Variants in FAT3 observed in about 807,000 individuals in gnomAD.
FAT3 encodes the protein protocadherin Fat 3.
A neutral mutation model predicts 310.2 loss-of-function variants in FAT3; 95 were observed. The ratio of observed to expected loss-of-function variants is 0.31; its 90% confidence interval spans 0.26 to 0.36. The LOEUF (loss-of-function observed/expected upper bound fraction) is 0.36. Ranked by LOEUF, FAT3 falls within the 10% of genes least tolerant of loss-of-function variation. FAT3 has a pLI of 1.00. For synonymous variants in FAT3, 2,314 were observed against 2,192.9 expected, an observed-to-expected ratio of 1.06 and a Z score of -1.54; for missense variants, 5,408 against 5,715.6, an observed-to-expected ratio of 0.95 and a Z score of 1.74.
intron 1 of FAT3, among the ~76,000 whole-genome samples, chr11:92,317,646 T>G (rs529328376): frequency 6.6e-5 from 10 of 152,292 alleles, no homozygotes; most frequent in African/African-American, 2.2e-4. Flanking sequence ...TAAATAGTGA[T>G]GCCTGGTGCT....
At chr11:92,733,754 T>G (rs549485235) in intron 4 of FAT3, among the ~76,000 whole-genome samples, 44 of 152,174 alleles carry the variant, frequency 2.9e-4, no homozygotes, top group Non-Finnish European at 5.4e-4. Flanking sequence ...AACTTCCTAT[T>G]GAGACCTTAG....
intron 9 of FAT3, 86 bp downstream of exon 9, chr11:92,793,063 C>A (rs926090283): frequency 3.6e-6 from 5 of 1,371,330 alleles, no homozygotes; most frequent in African/African-American, 2.9e-5. Context: ...AAATTCAGAT[C>A]ATTAACAGTG....
intron 2 of FAT3, among the ~76,000 whole-genome samples, chr11:92,496,023 G>A (rs1484332504): frequency 6.6e-6 from 1 of 152,040 alleles, no homozygotes; most frequent in Non-Finnish European, 1.5e-5. Context: ...TCCAAAAGAT[G>A]AGCACAACCA....
At chr11:92,832,220 CT>C (rs1341505055) in intron 14 of FAT3, among the ~76,000 whole-genome samples, 1 of 152,096 alleles carries the variant, frequency 6.6e-6, no homozygotes, top group South Asian at 2.1e-4. Context: ...CCTGTGGTCC[CT>C]ACTGCTTGGG....
At chr11:92,378,575 T>G (rs892109498) in intron 2 of FAT3, among the ~76,000 whole-genome samples, 3 of 152,178 alleles carry the variant, frequency 2.0e-5, no homozygotes, top group African/African-American at 4.8e-5. Context: ...CACCATCCTC[T>G]TAAAGATTTT....
At chr11:92,677,950 A>T (rs1310381827) in intron 3 of FAT3, among the ~76,000 whole-genome samples, 1 of 152,174 alleles carries the variant, frequency 6.6e-6, no homozygotes, top group African/African-American at 2.4e-5. Flanking sequence ...CTCATTGGTT[A>T]CTTGGTTACA....
intron 3 of FAT3, among the ~76,000 whole-genome samples, chr11:92,649,635 G>C (rs1426026040): frequency 6.6e-6 from 1 of 152,026 alleles, no homozygotes; most frequent in East Asian, 1.9e-4. Context: ...TTGTTAGCCA[G>C]ACCCTCATCA....
intron 2 of FAT3, among the ~76,000 whole-genome samples, chr11:92,446,524 A>G (rs1391266319): frequency 2.0e-5 from 3 of 152,154 alleles, no homozygotes; most frequent in Admixed American, 6.5e-5. Context: ...TCTAACCAAT[A>G]TCAAGTTAGA....
chr11:92,558,554 A>T lies in FAT3; in HGVS notation c.3607+33606A>T, dbSNP rs144816610. Among the ~76,000 whole-genome samples, 1,201 of 152,282 alleles carry T rather than the reference A, an allele frequency of 7.9e-3. 13 individuals are homozygous for T. The highest frequency in any genetic ancestry group is 0.027 in the African/African-American group (1,142 of 41,532). On this transcript the variant is annotated intron_variant, in intron 3 of 27. Coordinates refer to ENST00000525166, the MANE Select transcript of FAT3 (RefSeq NM_001367949.2). ...CAAGCCCTATTTGTCTCTGGCATGAAGCAGGCTTAGCTCATCTGGTGCTGT... is the reference window on the plus strand; with the variant it reads ...CAAGCCCTATTTGTCTCTGGCATGATGCAGGCTTAGCTCATCTGGTGCTGT...
At chr11:92,580,289 GAT>G (rs780122998) in intron 3 of FAT3, among the ~76,000 whole-genome samples, 1 of 151,996 alleles carries the variant, frequency 6.6e-6, no homozygotes, top group Non-Finnish European at 1.5e-5. Flanking sequence ...GACCCAATGT[GAT>G]ACCCAATGTC....
chr11:92,877,975 G>A (rs1023402278), intron 22 of FAT3, among the ~76,000 whole-genome samples: 1 of 152,102 alleles, frequency 6.6e-6, no homozygotes, highest in African/African-American at 2.4e-5. Context: ...AGTATATATT[G>A]CTTTCACACC....
chr11:92,625,295 C>T (rs77068728), intron 3 of FAT3, among the ~76,000 whole-genome samples: 1,964 of 152,272 alleles, frequency 0.013, 44 homozygotes, highest in African/African-American at 0.044. Context: ...GTTCCTCTTG[C>T]TTTATTGGTT....
rs1241788040 is a variant in FAT3, at chr11:92,850,281, C to A, written c.11365+5549C>A. Among the ~76,000 whole-genome samples, 5 of 152,174 alleles carry A rather than the reference C, an allele frequency of 3.3e-5. No individual in the cohort carries two copies. In the East Asian group the frequency reaches 9.6e-4, roughly 29 times the overall value. On this transcript the variant is annotated intron_variant, in intron 19 of 27. Transcript: ENST00000525166. ...TACACCTCGGCAGATCCCTCATCTC[C>A]AGTACGCATGAGTCCCACATTGCCA...
chr11:92,342,334 G>T (rs754085894), intron 1 of FAT3, among the ~76,000 whole-genome samples: 3 of 151,992 alleles, frequency 2.0e-5, no homozygotes, highest in Non-Finnish European at 4.4e-5. Flanking sequence ...CTTGCCCTGC[G>T]TTACCATCTC....
At chr11:92,837,598 C>G (rs1196393591) in intron 16 of FAT3, 65 bp from the exon 17 acceptor site, 4 of 1,573,778 alleles carry the variant, frequency 2.5e-6, no homozygotes, top group Non-Finnish European at 3.5e-6. Flanking sequence ...TCCAGTTCCT[C>G]TGTGTGTGCA....
At chr11:92,476,333 C>A (rs899595942) in intron 2 of FAT3, among the ~76,000 whole-genome samples, 2 of 152,112 alleles carry the variant, frequency 1.3e-5, no homozygotes, top group Admixed American at 1.3e-4. Context: ...GTTTCAAAAC[C>A]ATTTATATAA....
In FAT3 at chr11:92,354,703, G is replaced by C; in HGVS notation, c.2591G>C (p.Gly864Ala). The C allele has an allele frequency of 6.2e-7, 1 of 1,613,840 alleles. No individual in the cohort carries two copies. The highest frequency in any genetic ancestry group is 1.6e-4 in the Middle Eastern group (1 of 6,062). ...AGAGACAAAGACTTAGGTTCTAATG[G>C]TGAAGTGACTTACTCAGTCTTGACA... Reference protein sequence around the residue: ...EARDKDLGSNGEVTYSVLTDT... With the variant: ...EARDKDLGSNAEVTYSVLTDT... Residue 864 changes from glycine to alanine, a missense_variant, in exon 2 of 28, where the codon GGT becomes GCT. This residue lies in a region of FAT3 where 4,588 missense variants were observed against 4,809.8 expected (regional missense o/e 0.95). Coordinates refer to ENST00000525166, the MANE Select transcript of FAT3 (RefSeq NM_001367949.2).
intron 3 of FAT3, among the ~76,000 whole-genome samples, chr11:92,675,952 G>A (rs977619598): frequency 3.3e-5 from 5 of 152,108 alleles, no homozygotes; most frequent in African/African-American, 1.2e-4. Flanking sequence ...CTGCCTGGAT[G>A]TTCTGGTCTT....
At chr11:92,359,785 C>G (rs1335966595) in intron 2 of FAT3, among the ~76,000 whole-genome samples, 1 of 143,314 alleles carries the variant, frequency 7.0e-6, no homozygotes, top group African/African-American at 2.7e-5. Flanking sequence ...CAATTTCATC[C>G]ATGTCCCTAC....
Sources: gnomAD v4.1 joint callset for allele counts (sites outside exome capture counted in the v4.1 genomes callset) on GRCh38, gnomAD v4.1.1 for gene constraint, gnomAD v4.1.1 regional missense constraint, MANE v1.5 for transcripts, NCBI Gene and HGNC (gene_info 2026-07-23, HGNC 2026-07-21) for gene names.